The following XKR4 variants were observed in gnomAD, a reference collection of about 807,000 sequenced individuals.
XKR4 encodes XK related 4.
In XKR4, 12 loss-of-function variants were observed where a neutral mutation model predicts 53.9. The observed-to-expected ratio is 0.22, with a 90% CI of 0.14 to 0.36. XKR4 has a LOEUF of 0.36. Among genes scored for constraint, XKR4 ranks in the 10% least tolerant of loss-of-function variants. XKR4 has a pLI of 1.00. For missense variants in XKR4, 799 were observed against 859.5 expected, an observed-to-expected ratio of 0.93 and a Z score of 0.88; for synonymous variants, 354 against 362.4, an observed-to-expected ratio of 0.98 and a Z score of 0.26.
At position 55,102,968 on chromosome 8, in the gene XKR4, A is replaced by C; in HGVS notation, c.480A>C (p.Gln160His). The change falls in exon 1 of 3, where the codon CAA (glutamine) becomes CAC (histidine). Residue 160 changes from glutamine to histidine, a missense_variant. Around this residue, in one of 3 missense-constraint regions of XKR4, gnomAD observed 476 missense variants for 505.4 expected, o/e 0.94. Transcript: ENST00000327381. The surrounding 1 kb of genome is among the most constrained non-coding windows in gnomAD (Gnocchi z 5.1). ...FFVVLGSLSVQVFSFRWFVHD... is the reference protein window; with the variant it reads ...FFVVLGSLSVHVFSFRWFVHD... ...TGGTGCTCGGCTCTCTGTCGGTGCA[A>C]GTGTTCAGCTTCCGCTGGTTTGTGC... is the stretch of plus-strand genomic sequence containing the variant. 1 of 1,611,554 alleles carries C rather than the reference A, an allele frequency of 6.2e-7. No individual in the cohort carries two copies. The highest frequency in any genetic ancestry group is 8.5e-7 in the Non-Finnish European group (1 of 1,179,830).
chr8:55,531,393 T>C lies in XKR4; in HGVS notation c.*7166T>C, dbSNP rs1051836025. On this transcript the variant is annotated 3_prime_UTR_variant, in exon 3 of 3. Coordinates refer to ENST00000327381, the MANE Select transcript of XKR4 (RefSeq NM_052898.2). ...TAGTATTATTGTCTTATGGGATCGC[T>C]GTCATATGTGCAGTCTATTATTGAC... 3.3e-5 allele frequency: 5 copies of C among 152,164 alleles called. No individual in the cohort carries two copies. Among genetic ancestry groups the C allele is most frequent in the Non-Finnish European group, 5.9e-5 (4 of 68,034 alleles). The allele number at this position is 152,164 out of a possible 1,614,324, so 9.4% of individuals were successfully genotyped here. A position where few individuals can be genotyped will look rare whatever the true frequency, so the allele number is the denominator to read the frequency against.
chr8:55,419,811 T>A (rs780000707), intron 2 of XKR4, among the ~76,000 whole-genome samples: 70 of 152,358 alleles, frequency 4.6e-4, no homozygotes, highest in Non-Finnish European at 8.1e-4. Context: ...TTACTCGGGA[T>A]ACTTAAGAAA....
intron 2 of XKR4, among the ~76,000 whole-genome samples, chr8:55,504,770 T>C (rs1563368569): frequency 6.6e-6 from 1 of 152,156 alleles, no homozygotes; most frequent in African/African-American, 2.4e-5. Flanking sequence ...TATTTCTTTA[T>C]GATTCAGTCT....
At chr8:55,196,195 T>G (rs980251065) in intron 1 of XKR4, among the ~76,000 whole-genome samples, 51 of 144,046 alleles carry the variant, frequency 3.5e-4, no homozygotes, top group Middle Eastern at 3.5e-3. Context: ...TTTTTTTTTT[T>G]GTTGAGATGG....
At chr8:55,292,692 C>T (rs1819047495) in intron 1 of XKR4, among the ~76,000 whole-genome samples, 1 of 151,700 alleles carries the variant, frequency 6.6e-6, no homozygotes, top group African/African-American at 2.4e-5. Flanking sequence ...ATTCATTTAC[C>T]TCTTTCTTTC....
chr8:55,321,618 G>A (rs909024393), intron 1 of XKR4, among the ~76,000 whole-genome samples: 1 of 152,106 alleles, frequency 6.6e-6, no homozygotes, highest in African/African-American at 2.4e-5. Context: ...ACCTTAAATG[G>A]TGGATATTTT....
intron 2 of XKR4, among the ~76,000 whole-genome samples, chr8:55,455,321 CT>C (rs1282670152): frequency 2.0e-5 from 3 of 152,050 alleles, no homozygotes; most frequent in Non-Finnish European, 2.9e-5. Context: ...GCTGGCCCGC[CT>C]GGCTGTTCTT....
intron 2 of XKR4, among the ~76,000 whole-genome samples, chr8:55,463,358 C>A (rs1805694786): frequency 6.6e-6 from 1 of 151,732 alleles, no homozygotes; most frequent in South Asian, 2.1e-4. Context: ...AACTGAACAA[C>A]CTGCTCCTGA....
chr8:55,259,501 G>A (rs1021326982), intron 1 of XKR4, among the ~76,000 whole-genome samples: 1 of 152,106 alleles, frequency 6.6e-6, no homozygotes, highest in Admixed American at 6.5e-5. Context: ...GTGAGGTTGG[G>A]GTTTGCCCTT....
At position 55,103,058 on chromosome 8, in the gene XKR4, C is replaced by T. The variant is rs1026625590; in HGVS notation, c.570C>T (p.Ala190=). 3.7e-6 allele frequency: 6 copies of T among 1,612,828 alleles called. No individual in the cohort carries two copies. In the South Asian group the frequency reaches 4.4e-5, roughly 12 times the overall value. ...CCTCCAGCTGCCCGCAGCCTGGAGC[C>T]GATTGCAAGACGGTGGTCGGCGGTG... ...AAASSCPQPG[A]DCKTVVGGGS... is the part of the protein sequence containing the mutation. The change falls in exon 1 of 3, where the codon GCC becomes GCT. Residue 190 remains alanine (A), a synonymous_variant. Coordinates refer to ENST00000327381, the MANE Select transcript of XKR4 (RefSeq NM_052898.2).
intron 1 of XKR4, among the ~76,000 whole-genome samples, chr8:55,181,398 C>T (rs1563476900): frequency 6.6e-6 from 1 of 152,144 alleles, no homozygotes; most frequent in African/African-American, 2.4e-5. Flanking sequence ...ACATTTTACA[C>T]TCCTCCCTTC....
At chr8:55,177,175 T>C (rs982504266) in intron 1 of XKR4, among the ~76,000 whole-genome samples, 2 of 152,040 alleles carry the variant, frequency 1.3e-5, no homozygotes, top group African/African-American at 4.8e-5. Flanking sequence ...TAGCTGGGAT[T>C]ACAGGTGTGT....
intron 2 of XKR4, among the ~76,000 whole-genome samples, chr8:55,390,354 G>A (rs1239063946): frequency 6.6e-6 from 1 of 152,144 alleles, no homozygotes; most frequent in African/African-American, 2.4e-5. Context: ...TATCAGAAAG[G>A]AATTACAGTC....
At chr8:55,430,490 C>T (rs1320072569) in intron 2 of XKR4, among the ~76,000 whole-genome samples, 3 of 152,058 alleles carry the variant, frequency 2.0e-5, no homozygotes, top group Admixed American at 6.6e-5. Flanking sequence ...ACTGAGCAGA[C>T]GATTGGTTGC....
At chr8:55,425,646 T>C (rs897771334) in intron 2 of XKR4, among the ~76,000 whole-genome samples, 2 of 152,184 alleles carry the variant, frequency 1.3e-5, no homozygotes, top group African/African-American at 4.8e-5. Context: ...GCCCCTCCGT[T>C]ACCCACGTGA....
At position 55,112,519 on chromosome 8, in the gene XKR4, T is replaced by C. The variant is rs562468752; in HGVS notation, c.806+9225T>C. Among the ~76,000 whole-genome samples the C allele has an allele frequency of 2.1e-5, 3 of 144,356 alleles. No individual in the cohort carries two copies. In the South Asian group the frequency reaches 7.1e-4, roughly 34 times the overall value. 94.7% of individuals were successfully genotyped at this position (144,356 alleles called of 152,430 possible). A position where few individuals can be genotyped will look rare whatever the true frequency, so the allele number is the denominator to read the frequency against. On this transcript the variant is annotated intron_variant, in intron 1 of 2. Transcript: ENST00000327381. ...TTATCTGCAGTACAGGTAATAGTCA[T>C]GAATAAAGATCTCAGTCTGGGGCTG...
intron 1 of XKR4, among the ~76,000 whole-genome samples, chr8:55,283,381 A>G (rs1483201922): frequency 6.6e-6 from 1 of 152,224 alleles, no homozygotes; most frequent in Admixed American, 6.5e-5. Flanking sequence ...CTGTGGCCCA[A>G]GGCAATTCCA....
intron 2 of XKR4, among the ~76,000 whole-genome samples, chr8:55,476,500 T>C (rs1019812512): frequency 3.3e-5 from 5 of 152,064 alleles, no homozygotes; most frequent in Non-Finnish European, 7.3e-5. Flanking sequence ...AGATGGGTGA[T>C]TTCTGCATTT....
chr8:55,204,292 C>T (rs74355890), intron 1 of XKR4, among the ~76,000 whole-genome samples: 1,565 of 152,212 alleles, frequency 0.01, 24 homozygotes, highest in African/African-American at 0.036. Context: ...TATTGACCAA[C>T]AAATCACAAC....
Sources: allele counts gnomAD v4.1 joint callset (sites outside exome capture counted in the v4.1 genomes callset), GRCh38; gene constraint gnomAD v4.1.1; regional missense constraint gnomAD v4.1.1; non-coding constraint Gnocchi (gnomAD v3.1); transcripts MANE v1.5; gene names NCBI Gene and HGNC (gene_info 2026-07-23, HGNC 2026-07-21).